SH3GL2: variants seen among roughly 807,000 people sequenced by gnomAD.
SH3GL2 encodes the protein SH3 domain containing GRB2 like 2, endophilin A1, also known as endophilin-A1.
SH3GL2 carries 24 observed loss-of-function variants against 46.0 expected under a neutral mutation model. The ratio of observed to expected loss-of-function variants is 0.52; its 90% confidence interval spans 0.38 to 0.73. SH3GL2 has a LOEUF of 0.73. Ranked by LOEUF, SH3GL2 falls within the 30% of genes least tolerant of loss-of-function variation. SH3GL2 has a pLI of 0.00. For synonymous variants in SH3GL2, 196 were observed against 147.1 expected (o/e 1.33, Z -2.40); for missense variants, 413 against 424.2 (o/e 0.97, Z 0.23).
At chr9:17,638,156 C>CAAAAAA (rs10623700) in intron 1 of SH3GL2, among the ~76,000 whole-genome samples, 2 of 145,640 alleles carry the variant, frequency 1.4e-5, no homozygotes, top group African/African-American at 5.0e-5. Context: ...GACTCCCTCT[C>CAAAAAA]AAAAAAAAAA....
At chr9:17,753,071 G>A (rs976600638) in intron 2 of SH3GL2, among the ~76,000 whole-genome samples, 1 of 152,184 alleles carries the variant, frequency 6.6e-6, no homozygotes, top group South Asian at 2.1e-4. Context: ...GTATTCCATG[G>A]TGTATACGTA....
At chr9:17,647,097 AGTATGGCTACAGTG>A (rs1819837950) in intron 1 of SH3GL2, among the ~76,000 whole-genome samples, 1 of 152,214 alleles carries the variant, frequency 6.6e-6, no homozygotes, top group African/African-American at 2.4e-5. Context: ...CCAGAGAGGC[AGTATGGCTACAGTG>A]GCTTTGTGGC....
intron 1 of SH3GL2, among the ~76,000 whole-genome samples, chr9:17,656,213 T>A (rs992026142): frequency 6.6e-6 from 1 of 152,222 alleles, no homozygotes; most frequent in African/African-American, 2.4e-5. Flanking sequence ...GGAATGTTTT[T>A]ATTTTAATTA....
chr9:17,683,078 T>G (rs1339562331), intron 1 of SH3GL2, among the ~76,000 whole-genome samples: 1 of 152,072 alleles, frequency 6.6e-6, no homozygotes, highest in Non-Finnish European at 1.5e-5. Flanking sequence ...AGGTATGAGT[T>G]TCCAAGTAGA....
At chr9:17,594,691 G>A (rs182934085) in intron 1 of SH3GL2, among the ~76,000 whole-genome samples, 14 of 152,192 alleles carry the variant, frequency 9.2e-5, no homozygotes, top group African/African-American at 3.4e-4. Context: ...GTGAAGTGTA[G>A]TGCTCGGCTC....
intron 2 of SH3GL2, among the ~76,000 whole-genome samples, chr9:17,760,295 A>G (rs2131149957): frequency 6.6e-6 from 1 of 152,350 alleles, no homozygotes; most frequent in South Asian, 2.1e-4. Context: ...AAACACACAC[A>G]GTAATATGAC....
intron 1 of SH3GL2, among the ~76,000 whole-genome samples, chr9:17,669,886 T>C (rs1302993920): frequency 6.6e-6 from 1 of 151,964 alleles, no homozygotes; most frequent in East Asian, 1.9e-4. Flanking sequence ...AGAGCAGAAA[T>C]TTAATAGGAG....
At chr9:17,664,272 G>C (rs1000125959) in intron 1 of SH3GL2, among the ~76,000 whole-genome samples, 1 of 152,146 alleles carries the variant, frequency 6.6e-6, no homozygotes, top group South Asian at 2.1e-4. Context: ...AGCAAAGCAA[G>C]CTTCCTTTTA....
At chr9:17,608,505 A>G (rs1233748529) in intron 1 of SH3GL2, among the ~76,000 whole-genome samples, 2 of 152,202 alleles carry the variant, frequency 1.3e-5, no homozygotes, top group African/African-American at 4.8e-5. Flanking sequence ...TTCCTCATCC[A>G]CATAGGTTGG....
At chr9:17,776,739 T>A (rs1036092752) in intron 3 of SH3GL2, among the ~76,000 whole-genome samples, 1 of 150,804 alleles carries the variant, frequency 6.6e-6, no homozygotes, top group Admixed American at 6.6e-5. Flanking sequence ...TGAAGTGCAA[T>A]AAAACTTGCC....
At chr9:17,709,786 C>G (rs991003304) in intron 1 of SH3GL2, among the ~76,000 whole-genome samples, 3 of 151,648 alleles carry the variant, frequency 2.0e-5, no homozygotes, top group African/African-American at 7.3e-5. Flanking sequence ...ATATTTTGGA[C>G]AGCCAAACTG....
chr9:17,774,674 A>G lies in SH3GL2; in HGVS notation c.188-11707A>G, dbSNP rs536586287. 2.0e-5 allele frequency among the ~76,000 whole-genome samples: 3 copies of G among 152,196 alleles called. No individual in the cohort carries two copies. In the South Asian group the frequency reaches 6.2e-4, roughly 32 times the overall value. On this transcript the variant is annotated intron_variant, in intron 3 of 8. Coordinates refer to ENST00000380607, the MANE Select transcript of SH3GL2 (RefSeq NM_003026.5). Reference sequence around the variant, plus strand: ...GGTCATGGGGTATAATTTTTAAAATATGCTGTTGAATTTGCTTTGCTAGCA... The same window carrying G: ...GGTCATGGGGTATAATTTTTAAAATGTGCTGTTGAATTTGCTTTGCTAGCA...
At chr9:17,638,216 TA>T (rs1176234859) in intron 1 of SH3GL2, among the ~76,000 whole-genome samples, 9 of 151,958 alleles carry the variant, frequency 5.9e-5, no homozygotes, top group Non-Finnish European at 1.3e-4. Flanking sequence ...TTTTGCAAGA[TA>T]TCCTAGAGGG....
At chr9:17,731,913 C>A (rs149704640) in intron 1 of SH3GL2, among the ~76,000 whole-genome samples, 18 of 152,174 alleles carry the variant, frequency 1.2e-4, no homozygotes, top group African/African-American at 3.9e-4. Context: ...GCCGGACATA[C>A]AAAAGACATT....
chr9:17,599,449 T>G (rs1342177646), intron 1 of SH3GL2, among the ~76,000 whole-genome samples: 3 of 152,260 alleles, frequency 2.0e-5, no homozygotes, highest in African/African-American at 7.2e-5. Flanking sequence ...AGGTTCTTCT[T>G]TCTGGGATCC....
At chr9:17,580,129 A>G (rs1012735963) in intron 1 of SH3GL2, among the ~76,000 whole-genome samples, 4 of 152,236 alleles carry the variant, frequency 2.6e-5, no homozygotes, top group East Asian at 1.9e-4. Context: ...CATAGGGGCA[A>G]GTAAGCGAAT....
intron 1 of SH3GL2, among the ~76,000 whole-genome samples, chr9:17,744,671 T>C (rs569793654): frequency 2.6e-5 from 4 of 152,168 alleles, no homozygotes; most frequent in Non-Finnish European, 5.9e-5. Flanking sequence ...CCTGGCCTAG[T>C]AGGTTCTTAA....
chr9:17,627,533 ATAAAG>A (rs1403387830), intron 1 of SH3GL2, among the ~76,000 whole-genome samples: 2 of 152,246 alleles, frequency 1.3e-5, no homozygotes, highest in African/African-American at 4.8e-5. Flanking sequence ...ATCACAAACA[ATAAAG>A]TAATCATTAT....
At chr9:17,610,763 A>G (rs1200964491) in intron 1 of SH3GL2, among the ~76,000 whole-genome samples, 9 of 152,072 alleles carry the variant, frequency 5.9e-5, no homozygotes, top group African/African-American at 1.2e-4. Flanking sequence ...ATCTTCTCCT[A>G]TAAACTAGCT....
Sources: gnomAD v4.1 joint callset for allele counts (sites outside exome capture counted in the v4.1 genomes callset) on GRCh38, gnomAD v4.1.1 for gene constraint, MANE v1.5 for transcripts, NCBI Gene and HGNC (gene_info 2026-07-23, HGNC 2026-07-21) for gene names.